SPTSSA: variants seen among roughly 807,000 people sequenced by gnomAD.
SPTSSA encodes the protein serine palmitoyltransferase small subunit A.
In SPTSSA, 8 loss-of-function variants were observed where a neutral mutation model predicts 9.1. The observed-to-expected ratio is 0.88, with a 90% CI of 0.51 to 1.58. The LOEUF is 1.58. Among genes scored for constraint, SPTSSA ranks in the 40% most tolerant of loss-of-function variants. The pLI is 0.00. For synonymous variants in SPTSSA, 42 were observed against 37.7 expected (o/e 1.11, Z -0.41); for missense variants, 100 against 93.8 (o/e 1.07, Z -0.27).
At chr14:34,441,961 C>T (rs903979636) in intron 1 of SPTSSA, among the ~76,000 whole-genome samples, 12 of 152,050 alleles carry the variant, frequency 7.9e-5, no homozygotes, top group Admixed American at 5.2e-4. Flanking sequence ...CTGCAACCTC[C>T]GCCTCCCGGG....
intron 1 of SPTSSA, among the ~76,000 whole-genome samples, chr14:34,441,116 C>CA (rs1288313711): frequency 1.3e-5 from 2 of 151,950 alleles, no homozygotes. Context: ...CCCTGTCTCC[C>CA]AAAAAAAGAG....
At chr14:34,453,144 T>G (rs571840592) in intron 1 of SPTSSA, among the ~76,000 whole-genome samples, 1 of 152,324 alleles carries the variant, frequency 6.6e-6, no homozygotes, top group South Asian at 2.1e-4. Context: ...AGTAGACTAT[T>G]AGTAAAGTTT....
At chr14:34,441,694 A>C in intron 1 of SPTSSA, among the ~76,000 whole-genome samples, 3 of 147,748 alleles carry the variant, frequency 2.0e-5, no homozygotes, top group Admixed American at 6.8e-5. Context: ...TTCCTTTCCC[A>C]CCCAGGACCC....
chr14:34,445,298 T>C (rs942729555), intron 1 of SPTSSA, among the ~76,000 whole-genome samples: 2 of 151,372 alleles, frequency 1.3e-5, no homozygotes, highest in Non-Finnish European at 2.9e-5. Context: ...AGGTCAGGAG[T>C]TGGAGACCAG....
intron 1 of SPTSSA, among the ~76,000 whole-genome samples, chr14:34,442,950 A>AGG (rs143006830): frequency 5.7e-4 from 81 of 140,894 alleles, no homozygotes; most frequent in South Asian, 2.9e-3. Context: ...ATACATGTCT[A>AGG]GGGGGGTGTG....
intron 1 of SPTSSA, among the ~76,000 whole-genome samples, chr14:34,446,161 CCATCCACACTA>C (rs1459515751): frequency 5.3e-5 from 8 of 152,188 alleles, no homozygotes; most frequent in Non-Finnish European, 8.8e-5. Flanking sequence ...ACTGTCCTCC[CCATCCACACTA>C]CAACAAAACT....
intron 1 of SPTSSA, among the ~76,000 whole-genome samples, chr14:34,451,896 G>A (rs1314231917): frequency 6.6e-6 from 1 of 152,018 alleles, no homozygotes; most frequent in African/African-American, 2.4e-5. Flanking sequence ...GCAGCTGCAG[G>A]CTACTGAATG....
At chr14:34,443,154 TG>T (rs1883351500) in intron 1 of SPTSSA, among the ~76,000 whole-genome samples, 5 of 106,996 alleles carry the variant, frequency 4.7e-5, no homozygotes, top group African/African-American at 2.3e-4. Flanking sequence ...TGTGTGTGTG[TG>T]TGTGTGTGTG....
chr14:34,456,843 G>A (rs368665461), intron 1 of SPTSSA, among the ~76,000 whole-genome samples: 75 of 150,028 alleles, frequency 5.0e-4, no homozygotes, highest in Middle Eastern at 3.5e-3. Context: ...AGGTTGCAGC[G>A]AGCCAAGATC....
At chr14:34,441,786 G>C (rs1566422223) in intron 1 of SPTSSA, among the ~76,000 whole-genome samples, 1 of 152,072 alleles carries the variant, frequency 6.6e-6, no homozygotes, top group East Asian at 1.9e-4. Flanking sequence ...ATGTGGAGAA[G>C]CCTAACCACC....
intron 1 of SPTSSA, among the ~76,000 whole-genome samples, chr14:34,450,759 C>T (rs1265632616): frequency 6.6e-6 from 1 of 152,198 alleles, no homozygotes; most frequent in Non-Finnish European, 1.5e-5. Context: ...AAAGCAGTTG[C>T]TTCATGAACC....
intron 1 of SPTSSA, among the ~76,000 whole-genome samples, chr14:34,460,675 T>C (rs1375587040): frequency 6.6e-6 from 1 of 152,204 alleles, no homozygotes; most frequent in African/African-American, 2.4e-5. Context: ...AAATTAATTT[T>C]AGGATGTGTT....
chr14:34,443,200 T>G (rs1326816460), intron 1 of SPTSSA, among the ~76,000 whole-genome samples: 4 of 12,058 alleles, frequency 3.3e-4, no homozygotes, highest in East Asian at 1.5e-3. Context: ...CTCTAGGGGG[T>G]GTGTGTGTGT....
chr14:34,435,623 C>CTT (rs769896697), intron 1 of SPTSSA, among the ~76,000 whole-genome samples: 2,959 of 92,218 alleles, frequency 0.032, 56 homozygotes, highest in Non-Finnish European at 0.039. Flanking sequence ...GTTTGTTTCT[C>CTT]TTTTTTTTTT....
chr14:34,442,983 T>TGTGTGAGAGA (rs750212266), intron 1 of SPTSSA, among the ~76,000 whole-genome samples: 1 of 148,338 alleles, frequency 6.7e-6, no homozygotes, highest in African/African-American at 2.5e-5. Context: ...TGTGTGTGTG[T>TGTGTGAGAGA]GAGATGGAGT....
At position 34,435,381 on chromosome 14, in the gene SPTSSA, T is replaced by C. The variant is rs1363320295; in HGVS notation, c.113-77A>G. 23 of 964,400 alleles carry C rather than the reference T, an allele frequency of 2.4e-5. No individual in the cohort carries two copies. The East Asian group carries it at 5.6e-4, about 24-fold the overall frequency. 59.7% of individuals were successfully genotyped at this position (964,400 alleles called of 1,614,324 possible). On this transcript the variant is annotated intron_variant, in intron 1 of 1. Transcript: ENST00000298130. ...CTCCACATGTCTTCAACAACTCTTTTATGCTGAAGTACCCATTCACTTAGT... is the reference window on the plus strand; with the variant it reads ...CTCCACATGTCTTCAACAACTCTTTCATGCTGAAGTACCCATTCACTTAGT...
chr14:34,461,840 C>A (rs1313357187), intron 1 of SPTSSA, among the ~76,000 whole-genome samples: 3 of 152,202 alleles, frequency 2.0e-5, no homozygotes, highest in African/African-American at 7.2e-5. Context: ...CTCCAGGAAT[C>A]AAGACGCTTC....
chr14:34,440,095 T>C (rs1023014080), intron 1 of SPTSSA, among the ~76,000 whole-genome samples: 1 of 152,232 alleles, frequency 6.6e-6, no homozygotes, highest in African/African-American at 2.4e-5. Flanking sequence ...TGACATTACC[T>C]ATTTGTAGAT....
At chr14:34,453,721 CA>C (rs1883565217) in intron 1 of SPTSSA, among the ~76,000 whole-genome samples, 1 of 152,100 alleles carries the variant, frequency 6.6e-6, no homozygotes, top group Non-Finnish European at 1.5e-5. Context: ...ACATGCTGAC[CA>C]AAACGCTTGT....
Sources: gnomAD v4.1 joint callset for allele counts (sites outside exome capture counted in the v4.1 genomes callset) on GRCh38, gnomAD v4.1.1 for gene constraint, MANE v1.5 for transcripts, NCBI Gene and HGNC (gene_info 2026-07-23, HGNC 2026-07-21) for gene names.